Variants in SGCZ observed in about 807,000 individuals in gnomAD.
SGCZ encodes the protein sarcoglycan zeta.
SGCZ carries 40 observed loss-of-function variants against 41.3 expected under a neutral mutation model. The observed-to-expected ratio is 0.97, with a 90% confidence interval of 0.75 to 1.26. The LOEUF is 1.26. Among genes scored for constraint, SGCZ ranks in the 50% most tolerant of loss-of-function variants. The pLI is 0.00. For synonymous variants in SGCZ, 206 were observed against 137.5 expected (o/e 1.50, Z -3.49); for missense variants, 552 against 369.8 (o/e 1.49, Z -4.04).
At chr8:14,422,112 T>G (rs186259480) in intron 2 of SGCZ, among the ~76,000 whole-genome samples, 1 of 152,172 alleles carries the variant, frequency 6.6e-6, no homozygotes, top group African/African-American at 2.4e-5. Context: ...AACAGTGGGT[T>G]CATTCAAAAT....
At chr8:14,105,561 T>G (rs945608479) in intron 6 of SGCZ, among the ~76,000 whole-genome samples, 1 of 152,114 alleles carries the variant, frequency 6.6e-6, no homozygotes, top group Admixed American at 6.6e-5. Context: ...CTTTTAATTT[T>G]CATTATACAA....
intron 1 of SGCZ, among the ~76,000 whole-genome samples, chr8:14,763,277 A>C (rs1355544557): frequency 2.6e-5 from 4 of 152,090 alleles, no homozygotes; most frequent in Admixed American, 6.6e-5. Context: ...TTGCAGCCAC[A>C]CTTTACACCA....
At chr8:14,956,674 C>G (rs1427412885) in intron 1 of SGCZ, among the ~76,000 whole-genome samples, 1 of 152,126 alleles carries the variant, frequency 6.6e-6, no homozygotes, top group East Asian at 1.9e-4. Context: ...GACAAAATTA[C>G]TGATGATTGA....
intron 1 of SGCZ, among the ~76,000 whole-genome samples, chr8:14,993,605 A>T (rs1247158013): frequency 6.6e-6 from 1 of 152,228 alleles, no homozygotes; most frequent in East Asian, 1.9e-4. Context: ...AAAGTGCTCA[A>T]TCAGAAAGCA....
chr8:14,951,621 A>T (rs550758380), intron 1 of SGCZ, among the ~76,000 whole-genome samples: 4 of 152,138 alleles, frequency 2.6e-5, no homozygotes, highest in African/African-American at 7.2e-5. Flanking sequence ...AAAACTAATT[A>T]ATTACCAGCA....
At chr8:14,603,201 G>A (rs1585116879) in intron 1 of SGCZ, among the ~76,000 whole-genome samples, 1 of 151,990 alleles carries the variant, frequency 6.6e-6, no homozygotes. Flanking sequence ...GGAAATAAAC[G>A]GCTTTTTTGA....
intron 5 of SGCZ, among the ~76,000 whole-genome samples, chr8:14,152,287 A>G (rs79119957): frequency 0.014 from 2,198 of 152,302 alleles, 50 homozygotes; most frequent in African/African-American, 0.049. Flanking sequence ...ATGTCTAGAC[A>G]TTTTACTAAA....
chr8:14,960,155 A>T (rs1241572586), intron 1 of SGCZ, among the ~76,000 whole-genome samples: 2 of 152,196 alleles, frequency 1.3e-5, no homozygotes, highest in African/African-American at 4.8e-5. Flanking sequence ...TTCATCTTAT[A>T]TATCCATGAA....
chr8:14,252,170 C>T (rs10105044), intron 3 of SGCZ, among the ~76,000 whole-genome samples: 101,211 of 152,034 alleles, frequency 0.67, 34,116 homozygotes, highest in South Asian at 0.78. Context: ...GCTCTCTTAT[C>T]TTTCCCATCT....
intron 1 of SGCZ, among the ~76,000 whole-genome samples, chr8:14,762,283 C>T (rs1239491185): frequency 6.6e-6 from 1 of 152,120 alleles, no homozygotes; most frequent in Non-Finnish European, 1.5e-5. Context: ...CCATGGACCT[C>T]AAAACAGTAA....
At chr8:14,239,345 A>C (rs1357241028) in intron 3 of SGCZ, among the ~76,000 whole-genome samples, 1 of 152,122 alleles carries the variant, frequency 6.6e-6, no homozygotes, top group Non-Finnish European at 1.5e-5. Context: ...CTTTGAATTA[A>C]ACACATTTGA....
chr8:14,405,570 G>C (rs1002808123), intron 2 of SGCZ, among the ~76,000 whole-genome samples: 11 of 151,530 alleles, frequency 7.3e-5, no homozygotes, highest in African/African-American at 2.4e-4. Flanking sequence ...AATTATGCTT[G>C]CCTATGTTGT....
At chr8:14,452,536 C>T (rs1800625176) in intron 2 of SGCZ, among the ~76,000 whole-genome samples, 1 of 151,524 alleles carries the variant, frequency 6.6e-6, no homozygotes, top group East Asian at 1.9e-4. Context: ...ATATATACAT[C>T]CTGGGCATGC....
intron 1 of SGCZ, among the ~76,000 whole-genome samples, chr8:14,846,924 T>C (rs1255030553): frequency 6.6e-6 from 1 of 151,582 alleles, no homozygotes; most frequent in African/African-American, 2.4e-5. Context: ...CAAAAGAAAT[T>C]AGCTGGGCGT....
At chr8:14,501,713 T>C (rs1585601021) in intron 2 of SGCZ, among the ~76,000 whole-genome samples, 2 of 152,070 alleles carry the variant, frequency 1.3e-5, no homozygotes, top group East Asian at 3.9e-4. Flanking sequence ...TGTCTGGCCT[T>C]GCTGAGTGAT....
In SGCZ at chr8:14,164,609, G is replaced by A; in HGVS notation, c.518C>T (p.Thr173Ile). The change falls in exon 5 of 8, where the codon ACC becomes ATC. Residue 173 changes from threonine to isoleucine, a missense_variant. By Grantham distance (89) the Thr-to-Ile change is moderately conservative. Transcript: ENST00000382080. The stretch of plus-strand genomic sequence containing the variant: ...AACTTTCAGCTTTTCAGCCCCAATG[G>A]TAATCTCATCTTCATCTGCAGAAAA... Reference protein sequence around the residue: ...VLFSADEDEITIGAEKLKVTG... With the variant: ...VLFSADEDEIIIGAEKLKVTG... 1 of 1,613,446 alleles carries A rather than the reference G, an allele frequency of 6.2e-7. No homozygotes were observed. Among genetic ancestry groups the A allele is most frequent in the Non-Finnish European group, 8.5e-7 (1 of 1,179,640 alleles).
chr8:14,730,210 C>T (rs73664444), intron 1 of SGCZ, among the ~76,000 whole-genome samples: 10,315 of 152,158 alleles, frequency 0.068, 773 homozygotes, highest in African/African-American at 0.19. Flanking sequence ...GAGTGCCGCA[C>T]GAAGCTTTAT....
rs565104026 is a variant in SGCZ, at chr8:14,537,507, G to A, written c.234+17225C>T. 8.6e-5 allele frequency among the ~76,000 whole-genome samples: 13 copies of A among 151,568 alleles called. No individual in the cohort carries two copies. In the South Asian group the frequency reaches 2.1e-3, roughly 24 times the overall value. ...ATATTTGGCCTCATTCTTCCCCTAG[G>A]GAAGTTTGAGAACCCTAGTATCTGA... On this transcript the variant is annotated intron_variant, in intron 2 of 7. Transcript: ENST00000382080.
At chr8:14,832,447 T>G (rs1802564306) in intron 1 of SGCZ, among the ~76,000 whole-genome samples, 1 of 152,142 alleles carries the variant, frequency 6.6e-6, no homozygotes, top group African/African-American at 2.4e-5. Context: ...AGAAATAAAA[T>G]GAGGGCATGG....
Sources: gnomAD v4.1 joint callset for allele counts (sites outside exome capture counted in the v4.1 genomes callset) on GRCh38, gnomAD v4.1.1 for gene constraint, MANE v1.5 for transcripts, NCBI Gene and HGNC (gene_info 2026-07-23, HGNC 2026-07-21) for gene names.